Variants in SPRYD3 observed in about 807,000 individuals in gnomAD.
SPRYD3 encodes SPRY domain containing 3, also known as SPRY domain-containing protein 3.
Under a neutral mutation model 50.1 loss-of-function variants are expected in SPRYD3, and 17 were observed. That is an observed-to-expected ratio of 0.34 (90% CI 0.23 to 0.51). The LOEUF (loss-of-function observed/expected upper bound fraction) is 0.51. Ranked by LOEUF, SPRYD3 falls within the 20% of genes least tolerant of loss-of-function variation. The probability of loss-of-function intolerance (pLI) is 0.97; values close to 1 mark genes in which losing one functional copy is unlikely to be tolerated. For missense variants in SPRYD3, 401 were observed against 591.2 expected, an observed-to-expected ratio of 0.68 and a Z score of 3.34; for synonymous variants, 198 against 215.5, an observed-to-expected ratio of 0.92 and a Z score of 0.71.
rs1944485187 is a variant in SPRYD3 at position 53,064,669 on chromosome 12, T to C, written c.*1163A>G. The C allele has an allele frequency of 6.6e-6, 1 of 152,610 alleles. No homozygotes were observed. The highest frequency in any genetic ancestry group is 2.1e-4 in the South Asian group (1 of 4,834). The allele number at this position is 152,610 out of a possible 1,614,324, so 9.5% of individuals were successfully genotyped here. ...GTCTGTACATACATTTCATACATCG[T>C]AGGGTGGGAAGCGAGGGCCAAAGGG... On this transcript the variant is annotated 3_prime_UTR_variant, in exon 11 of 11. Transcript: ENST00000301463.
In SPRYD3 at chr12:53,074,383, C is replaced by T. The variant is rs1944573416; in HGVS notation, c.507+266G>A. 6.6e-6 allele frequency among the ~76,000 whole-genome samples: 1 copy of T among 152,222 alleles called. No individual in the cohort carries two copies. Among genetic ancestry groups the T allele is most frequent in the Non-Finnish European group, 1.5e-5 (1 of 68,036 alleles). ...TCCCCCAAATCACCCAATTCTGTTC[C>T]CCACAATTCCTGCTCATCCTCTGCT... is the stretch of plus-strand genomic sequence containing the variant. On this transcript the variant is annotated intron_variant, in intron 5 of 10. Coordinates refer to ENST00000301463, the MANE Select transcript of SPRYD3 (RefSeq NM_032840.3). The surrounding 1 kb of genome is among the most constrained non-coding windows in gnomAD (Gnocchi z 4.6).
intron 6 of SPRYD3, among the ~76,000 whole-genome samples, chr12:53,068,812 A>T (rs11170393): frequency 1.1e-4 from 17 of 152,112 alleles, no homozygotes; most frequent in African/African-American, 3.4e-4. Context: ...TCAGAAGCCA[A>T]TTCTGCCTGG....
intron 7 of SPRYD3, 73 bp from the exon 8 acceptor site, chr12:53,067,778 C>T: frequency 7.1e-7 from 1 of 1,405,854 alleles, no homozygotes; most frequent in South Asian, 1.2e-5. Context: ...CGAGTAGCAT[C>T]TGAACCTCTG....
intron 1 of SPRYD3, 81 bp downstream of exon 1, chr12:53,079,230 C>T: frequency 6.9e-7 from 1 of 1,452,740 alleles, no homozygotes; most frequent in South Asian, 1.2e-5. Context: ...CCCCAGAGCC[C>T]CCGCCCAGGA....
intron 8 of SPRYD3, 131 bp from the exon 9 acceptor site, chr12:53,066,823 G>A (rs111705783): frequency 0.048 from 59,657 of 1,235,396 alleles, 1,765 homozygotes; most frequent in Non-Finnish European, 0.058. Context: ...AACAAAGATG[G>A]AGAGAGAGGC....
At position 53,068,562 on chromosome 12, in the gene SPRYD3, G is replaced by C. The variant is rs945083172; in HGVS notation, c.694-258C>G. Among the ~76,000 whole-genome samples, 16 of 152,198 alleles carry C rather than the reference G, an allele frequency of 1.1e-4. No homozygotes were observed. In the South Asian group the frequency reaches 1.7e-3, roughly 16 times the overall value. On this transcript the variant is annotated intron_variant, in intron 6 of 10. Coordinates refer to ENST00000301463, the MANE Select transcript of SPRYD3 (RefSeq NM_032840.3). ...CCCCCACACACTTTCTGGGAGGCCG[G>C]GGAAAGCAGCACAGCTAGGGGAGCG...
In SPRYD3 at chr12:53,073,441, C is replaced by T; in HGVS notation, c.538G>A (p.Asp180Asn). ...ATGCCCACTGCTGGGAACAGTCCAT[C>T]TGGGGACATGGGCATGATGGTAGAG... ...VGSTIMPMSPDGLFPAVGMHS... is the reference protein window; with the variant it reads ...VGSTIMPMSPNGLFPAVGMHS... The change falls in exon 6 of 11, where the codon GAT (aspartate) becomes AAT (asparagine). Residue 180 changes from aspartate (D) to asparagine (N), a missense_variant. Coordinates refer to ENST00000301463, the MANE Select transcript of SPRYD3 (RefSeq NM_032840.3). 6.4e-7 allele frequency: 1 copy of T among 1,564,656 alleles called. No homozygotes were observed. Among genetic ancestry groups the T allele is most frequent in the Non-Finnish European group, 8.7e-7 (1 of 1,153,062 alleles).
In SPRYD3 at chr12:53,074,781, C is replaced by T. The variant is rs770979203; in HGVS notation, c.375G>A (p.Leu125=). 7.4e-6 allele frequency: 12 copies of T among 1,614,238 alleles called. No individual in the cohort carries two copies. Among genetic ancestry groups the T allele is most frequent in the African/African-American group, 2.7e-5 (2 of 75,070 alleles). Residue 125 remains leucine (L), a synonymous_variant, in exon 5 of 11, where the codon CTG becomes CTA. Transcript: ENST00000301463. This position sits in a 1 kb window ranked among gnomAD's most constrained non-coding sequence, Gnocchi z 4.6. Reference sequence around the variant, plus strand: ...GGCGGCCCTTGGCTCGGCCATTGTACAGCCTACAGACAGAGTAGTACAGAC... The same window carrying T: ...GGCGGCCCTTGGCTCGGCCATTGTATAGCCTACAGACAGAGTAGTACAGAC... The part of the protein sequence containing the change: ...SVAYHADDGK[L]YNGRAKGRQF...
chr12:53,067,131 T>A (rs919834066), intron 8 of SPRYD3, among the ~76,000 whole-genome samples: 94 of 139,698 alleles, frequency 6.7e-4, no homozygotes, highest in Middle Eastern at 3.7e-3. Context: ...AAAAAAAAAA[T>A]TGGAGCGAGA....
At chr12:53,075,071 C>G in intron 4 of SPRYD3, 24 bp downstream of exon 4, 1 of 1,606,372 alleles carries the variant, frequency 6.2e-7, no homozygotes, top group Non-Finnish European at 8.5e-7. Context: ...GGAAAAGGGC[C>G]GGGTTGCACA....
At chr12:53,066,842 G>T in intron 8 of SPRYD3, 150 bp from the exon 9 acceptor site, 1 of 1,034,006 alleles carries the variant, frequency 9.7e-7, no homozygotes, top group Non-Finnish European at 1.4e-6. Context: ...GCCGGGCGCG[G>T]TGGCTCACGC....
At chr12:53,077,593 G>A (rs1367540900) in intron 1 of SPRYD3, among the ~76,000 whole-genome samples, 1 of 152,236 alleles carries the variant, frequency 6.6e-6, no homozygotes, top group Non-Finnish European at 1.5e-5. Context: ...TGGAGGCAGT[G>A]GATAGAGTGG....
intron 6 of SPRYD3, among the ~76,000 whole-genome samples, chr12:53,069,407 C>G (rs1944533274): frequency 6.6e-6 from 1 of 152,186 alleles, no homozygotes; most frequent in Admixed American, 6.5e-5. Flanking sequence ...AGGAATTATG[C>G]CCACCTGCAC....
intron 1 of SPRYD3, among the ~76,000 whole-genome samples, chr12:53,078,838 A>AG (rs1233888858): frequency 1.3e-5 from 2 of 152,212 alleles, no homozygotes; most frequent in Non-Finnish European, 2.9e-5. Context: ...GTAGGTGCTT[A>AG]GTAAGCCTTG....
rs1944496130 is a variant in SPRYD3 at position 53,065,493 on chromosome 12, G to A, written c.*339C>T. ...TCATGCCCGAATAGCAGCTGAGATA[G>A]GGTGCTCACGCCTCTCCACCCACAC... On this transcript the variant is annotated 3_prime_UTR_variant, in exon 11 of 11. Coordinates refer to ENST00000301463, the MANE Select transcript of SPRYD3 (RefSeq NM_032840.3). 3.8e-6 allele frequency: 1 copy of A among 265,164 alleles called. No individual in the cohort carries two copies. The highest frequency in any genetic ancestry group is 4.9e-5 in the Admixed American group (1 of 20,448). 16.4% of individuals were successfully genotyped at this position (265,164 alleles called of 1,614,324 possible). A position where few individuals can be genotyped will look rare whatever the true frequency, so the allele number is the denominator to read the frequency against.
At chr12:53,078,000 C>T (rs990953494) in intron 1 of SPRYD3, 10 of 380,912 alleles carry the variant, frequency 2.6e-5, no homozygotes, top group African/African-American at 4.2e-5. Context: ...GCCTGGGCAA[C>T]GTAGTGAGAC....
chr12:53,078,008 GA>G (rs1944601723), intron 1 of SPRYD3: 1 of 407,682 alleles, frequency 2.5e-6, no homozygotes, highest in Admixed American at 2.5e-5. Flanking sequence ...AACGTAGTGA[GA>G]CCTCATCTCT....
At chr12:53,076,325 C>A (rs1944588541) in intron 2 of SPRYD3, among the ~76,000 whole-genome samples, 1 of 152,162 alleles carries the variant, frequency 6.6e-6, no homozygotes, top group Non-Finnish European at 1.5e-5. Context: ...AGAGCATGGG[C>A]TCAGAAGGAG....
intron 6 of SPRYD3, among the ~76,000 whole-genome samples, chr12:53,070,109 A>G (rs1944538807): frequency 6.6e-6 from 1 of 152,154 alleles, no homozygotes; most frequent in East Asian, 1.9e-4. Flanking sequence ...GGGTCTTTAA[A>G]ACCCACTCTC....
Sources: allele counts gnomAD v4.1 joint callset (sites outside exome capture counted in the v4.1 genomes callset), GRCh38; gene constraint gnomAD v4.1.1; non-coding constraint Gnocchi (gnomAD v3.1); transcripts MANE v1.5; gene names NCBI Gene and HGNC (gene_info 2026-07-23, HGNC 2026-07-21).